Variants in DCLRE1C observed in about 807,000 individuals in gnomAD.
DCLRE1C encodes protein artemis.
DCLRE1C carries 47 observed loss-of-function variants against 61.4 expected under a neutral mutation model. The observed-to-expected ratio is 0.77, with a 90% CI of 0.61 to 0.98. The LOEUF is 0.98. DCLRE1C is among the 50% of genes least tolerant of loss of function. The probability of loss-of-function intolerance (pLI) is 0.00; values close to 1 mark genes in which losing one functional copy is unlikely to be tolerated. For synonymous variants in DCLRE1C, 337 were observed against 287.6 expected (o/e 1.17, Z -1.74); for missense variants, 858 against 816.0 (o/e 1.05, Z -0.63).
In DCLRE1C at chr10:14,909,110, A is replaced by G. The variant is rs950457999; in HGVS notation, c.1377T>C (p.Ser459=). The G allele has an allele frequency of 1.2e-6, 2 of 1,614,184 alleles. No individual in the cohort carries two copies. Among genetic ancestry groups the G allele is most frequent in the African/African-American group, 1.3e-5 (1 of 75,034 alleles). ...FVDCEESNSE[S]EEEVGIPASL... ...AAGCTGGGATTCCTACTTCTTCTTC[A>G]CTTTCACTGTTGGATTCTTCACAAT... The change falls in exon 14 of 14, where the codon AGT becomes AGC. Residue 459 remains serine, a synonymous_variant. Transcript: ENST00000378278.
At chr10:14,936,462 G>T in intron 5 of DCLRE1C, 76 bp downstream of exon 5, 1 of 1,208,412 alleles carries the variant, frequency 8.3e-7, no homozygotes, top group South Asian at 1.3e-5. Context: ...ATTAATTTTA[G>T]ACCCTAAAAA....
chr10:14,949,630 C>G (rs1424252814), intron 1 of DCLRE1C, among the ~76,000 whole-genome samples: 3 of 152,238 alleles, frequency 2.0e-5, no homozygotes, highest in Non-Finnish European at 1.5e-5. Flanking sequence ...TTAACAGACA[C>G]AGACAACAGA....
intron 3 of DCLRE1C, among the ~76,000 whole-genome samples, chr10:14,943,250 TC>T (rs1265088376): frequency 3.3e-5 from 5 of 152,216 alleles, no homozygotes; most frequent in Non-Finnish European, 5.9e-5. Context: ...ATTGTGGTTC[TC>T]CTCAGATCAA....
Position 14,905,988 on chromosome 10 carries a change from TA to T in DCLRE1C, c.*2419del, listed in dbSNP as rs904385561. Among the ~76,000 whole-genome samples the T allele has an allele frequency of 1.3e-5, 2 of 152,110 alleles. No individual in the cohort carries two copies. The highest frequency in any genetic ancestry group is 4.8e-5 in the African/African-American group (2 of 41,426). ...CAGAGCGAGACTCCATCTTGAAAAG[TA>T]AAAAACAAAAACTTCATGTTTCCTC... On this transcript the variant is annotated 3_prime_UTR_variant, in exon 14 of 14. Transcript: ENST00000378278.
Position 14,939,781 on chromosome 10 carries a change from A to T in DCLRE1C, c.306+29T>A, listed in dbSNP as rs41296992. The T allele has an allele frequency of 0.01, 15,869 of 1,555,528 alleles. 1,060 individuals carry two copies. In the African/African-American group the frequency reaches 0.17, roughly 16 times the overall value. On this transcript the variant is annotated intron_variant, in intron 4 of 13. Transcript: ENST00000378278. ...AATCATTTTAGCACCACATTTTTTT[A>T]AAAAAATCAATATTTAATATTTAGT...
At chr10:14,899,809 T>C (rs372658702), downstream of DCLRE1C, 303 of 1,176,004 alleles carry the variant, frequency 2.6e-4, no homozygotes, top group African/African-American at 4.1e-3. Context: ...ATGTATTTTA[T>C]AAGGAGGGCA....
rs1834260460 is a variant in DCLRE1C at position 14,904,843 on chromosome 10, T to C, written c.*3565A>G. On this transcript the variant is annotated 3_prime_UTR_variant, in exon 14 of 14. Transcript: ENST00000378278. ...TAAGACAAATATCAAAGGTAATAGA[T>C]CCAGTTTAAAAGGTGAATCCACTGT... Among the ~76,000 whole-genome samples, 4 of 152,220 alleles carry C rather than the reference T, an allele frequency of 2.6e-5. No individual in the cohort carries two copies. The highest frequency in any genetic ancestry group is 9.6e-5 in the African/African-American group (4 of 41,470).
intron 5 of DCLRE1C, among the ~76,000 whole-genome samples, 190 bp from the exon 6 acceptor site, chr10:14,935,754 C>T (rs1281985863): frequency 1.3e-5 from 2 of 152,138 alleles, no homozygotes; most frequent in Admixed American, 6.6e-5. Context: ...TAGAAAATAA[C>T]AGAATGGAGA....
intron 11 of DCLRE1C, among the ~76,000 whole-genome samples, chr10:14,924,966 A>T (rs1837718046): frequency 6.6e-6 from 1 of 152,088 alleles, no homozygotes; most frequent in South Asian, 2.1e-4. Context: ...AACCCAATGT[A>T]ATTATTAGTA....
intron 11 of DCLRE1C, chr10:14,923,303 T>C: frequency 4.0e-6 from 2 of 498,932 alleles, no homozygotes; most frequent in Non-Finnish European, 3.6e-6. Context: ...AATCAGTACA[T>C]TTAAATATTC....
At chr10:14,902,558 A>G (rs1267663403), downstream of DCLRE1C, 3 of 1,249,954 alleles carry the variant, frequency 2.4e-6, no homozygotes, top group Non-Finnish European at 3.3e-6. Context: ...TTTTTTCCTA[A>G]TGTTAACATT....
intron 13 of DCLRE1C, among the ~76,000 whole-genome samples, chr10:14,910,784 C>T (rs1156925935): frequency 1.3e-5 from 2 of 149,962 alleles, no homozygotes; most frequent in African/African-American, 2.5e-5. Flanking sequence ...GAGTAACGGA[C>T]TAGATTTAAC....
At chr10:14,941,484 G>T (rs376386812) in intron 3 of DCLRE1C, among the ~76,000 whole-genome samples, 2 of 152,100 alleles carry the variant, frequency 1.3e-5, no homozygotes, top group Admixed American at 1.3e-4. Context: ...ATGGGGTTTT[G>T]CAGTATTGCC....
exon 14 of DCLRE1C, chr10:14,897,558 G>A (rs779979373): frequency 7.0e-7 from 1 of 1,431,280 alleles, no homozygotes; most frequent in Admixed American, 2.5e-5. Flanking sequence ...GGACATGCAA[G>A]GTTTATACTT....
chr10:14,925,340 C>T lies in DCLRE1C; in HGVS notation c.972+1503G>A, dbSNP rs113093593. Among the ~76,000 whole-genome samples the T allele has an allele frequency of 7.8e-4, 118 of 152,024 alleles. 1 individual carries two copies. The highest frequency in any genetic ancestry group is 2.6e-3 in the African/African-American group (109 of 41,430). ...ATAAGAGACACCCAATAAAGGAGCA[C>T]CCCCTCTCATTTATATAAGTTGACT... is the stretch of plus-strand genomic sequence containing the variant. On this transcript the variant is annotated intron_variant, in intron 11 of 13. Transcript: ENST00000378278.
intron 10 of DCLRE1C, among the ~76,000 whole-genome samples, chr10:14,927,795 T>G (rs1325959311): frequency 6.6e-6 from 1 of 152,166 alleles, no homozygotes; most frequent in Non-Finnish European, 1.5e-5. Context: ...TCCAACCATC[T>G]CATCAACCTA....
Position 14,909,047 on chromosome 10 carries a change from T to C in DCLRE1C, c.1440A>G (p.Gln480=). The C allele has an allele frequency of 6.2e-7, 1 of 1,614,182 alleles. No individual in the cohort carries two copies. Among genetic ancestry groups the C allele is most frequent in the Non-Finnish European group, 8.5e-7 (1 of 1,180,020 alleles). ...ACTGGGGTACATCCCCATCAGCCTT[T>C]TGCAGGTGAAGTACAGAGCCCAGAT... ...QGDLGSVLHL[Q]KADGDVPQWE... The change falls in exon 14 of 14, where the codon CAA becomes CAG. Residue 480 remains glutamine (Q), a synonymous_variant. Coordinates refer to ENST00000378278, the MANE Select transcript of DCLRE1C (RefSeq NM_001033855.3).
intron 13 of DCLRE1C, among the ~76,000 whole-genome samples, chr10:14,912,902 C>T (rs1474017784): frequency 1.3e-5 from 2 of 148,400 alleles, no homozygotes; most frequent in African/African-American, 4.9e-5. Flanking sequence ...AGGATGGTCT[C>T]GATCTCTCTG....
At chr10:14,941,431 C>A (rs1283126340) in intron 3 of DCLRE1C, among the ~76,000 whole-genome samples, 1 of 152,130 alleles carries the variant, frequency 6.6e-6, no homozygotes, top group Non-Finnish European at 1.5e-5. Flanking sequence ...ACTACAGGCA[C>A]ACTCTACTAT....
Sources: allele counts gnomAD v4.1 joint callset (sites outside exome capture counted in the v4.1 genomes callset), GRCh38; gene constraint gnomAD v4.1.1; transcripts MANE v1.5; gene names NCBI Gene and HGNC (gene_info 2026-07-23, HGNC 2026-07-21).